The following UBOX5 variants were observed in gnomAD, a reference collection of about 807,000 sequenced individuals.
The protein encoded by UBOX5 is RING finger protein 37.
In UBOX5, 28 loss-of-function variants were observed where a neutral mutation model predicts 39.0. The observed-to-expected ratio is 0.72, with a 90% CI of 0.53 to 0.98. The LOEUF (loss-of-function observed/expected upper bound fraction) is 0.98, where lower values mean the gene tolerates loss of function less well. Among genes scored for constraint, UBOX5 ranks in the 50% least tolerant of loss-of-function variants. The pLI is 0.00. For synonymous variants in UBOX5, 283 were observed against 275.5 expected (o/e 1.03, Z -0.27); for missense variants, 585 against 674.4 (o/e 0.87, Z 1.47).
intron 1 of UBOX5, among the ~76,000 whole-genome samples, chr20:3,140,615 A>G (rs1331895368): frequency 2.6e-5 from 4 of 152,114 alleles, no homozygotes; most frequent in Admixed American, 6.5e-5. Context: ...ACTGAAACCT[A>G]TCGTCAACAT....
At chr20:3,158,948 C>A (rs1460802174) in intron 1 of UBOX5, among the ~76,000 whole-genome samples, 1 of 152,202 alleles carries the variant, frequency 6.6e-6, no homozygotes, top group East Asian at 1.9e-4. Context: ...GAGCACAAAA[C>A]GCCAGCCACA....
At chr20:3,137,088 C>CA (rs1241436559) in intron 1 of UBOX5, among the ~76,000 whole-genome samples, 2 of 152,086 alleles carry the variant, frequency 1.3e-5, no homozygotes, top group Non-Finnish European at 2.9e-5. Context: ...GGTAGGACTA[C>CA]AGGCATGACC....
intron 1 of UBOX5, among the ~76,000 whole-genome samples, chr20:3,141,293 A>T (rs1038143702): frequency 3.9e-5 from 6 of 152,156 alleles, no homozygotes; most frequent in African/African-American, 1.2e-4. Context: ...AAAAAATTTT[A>T]AAAATAAAGA....
chr20:3,148,716 G>A (rs761116377), intron 1 of UBOX5: 6 of 1,614,206 alleles, frequency 3.7e-6, no homozygotes, highest in African/African-American at 1.3e-5. Flanking sequence ...CTTAGCTGTA[G>A]GAAAACTCGC....
chr20:3,148,969 G>A (rs1473879728), intron 1 of UBOX5: 1 of 1,614,202 alleles, frequency 6.2e-7, no homozygotes, highest in South Asian at 1.1e-5. Flanking sequence ...GCTGTGTGCT[G>A]CTCACATTCC....
chr20:3,110,937 C>T (rs940298774), intron 4 of UBOX5, among the ~76,000 whole-genome samples: 94 of 152,316 alleles, frequency 6.2e-4, no homozygotes, highest in African/African-American at 2.2e-3. Context: ...CTGAGGCCTG[C>T]AGTGCACCTG....
chr20:3,156,667 G>A (rs1294122826), intron 1 of UBOX5: 2 of 152,384 alleles, frequency 1.3e-5, no homozygotes, highest in Non-Finnish European at 2.9e-5. Flanking sequence ...TGATTTCACA[G>A]GACTGAAGAA....
chr20:3,141,371 G>C (rs2066516169), intron 1 of UBOX5, among the ~76,000 whole-genome samples: 1 of 152,050 alleles, frequency 6.6e-6, no homozygotes, highest in African/African-American at 2.4e-5. Context: ...TTCCTCATCA[G>C]GTGTGGTGGC....
At chr20:3,144,214 G>A (rs2066541501) in intron 1 of UBOX5, among the ~76,000 whole-genome samples, 1 of 152,128 alleles carries the variant, frequency 6.6e-6, no homozygotes. Flanking sequence ...CAAGGACCAT[G>A]AGTAGCCAAA....
At chr20:3,135,182 C>CA (rs929847468) in intron 1 of UBOX5, among the ~76,000 whole-genome samples, 4 of 151,766 alleles carry the variant, frequency 2.6e-5, no homozygotes, top group African/African-American at 9.7e-5. Context: ...AAGTTTTGAC[C>CA]AAAACATTGG....
At chr20:3,119,298 C>T (rs749927871) in intron 3 of UBOX5, among the ~76,000 whole-genome samples, 1 of 152,318 alleles carries the variant, frequency 6.6e-6, no homozygotes, top group East Asian at 1.9e-4. Flanking sequence ...AATGCATCAA[C>T]GAGCTGAATC....
intron 1 of UBOX5, among the ~76,000 whole-genome samples, chr20:3,152,577 T>C (rs554397921): frequency 2.0e-5 from 3 of 152,206 alleles, no homozygotes; most frequent in South Asian, 4.2e-4. Flanking sequence ...ACTAAAGCCA[T>C]ATACTGTTCA....
Position 3,122,471 on chromosome 20 carries a change from T to C in UBOX5, c.168A>G (p.Ser56=), listed in dbSNP as rs1382700002. ...FIKPPVYVTV[S]FPFNVEICRI... ...TACAGATTTCCACATTAAAGGGAAATGAAACTGTCACATAGACTGGTGGCT... is the reference window on the plus strand; with the variant it reads ...TACAGATTTCCACATTAAAGGGAAACGAAACTGTCACATAGACTGGTGGCT... The change falls in exon 3 of 5, where the codon TCA becomes TCG. Residue 56 remains serine (S), a synonymous_variant. Coordinates refer to ENST00000217173, the MANE Select transcript of UBOX5 (RefSeq NM_014948.4). The C allele has an allele frequency of 1.2e-6, 2 of 1,614,138 alleles. No homozygotes were observed. Among genetic ancestry groups the C allele is most frequent in the Non-Finnish European group, 8.5e-7 (1 of 1,180,010 alleles).
At chr20:3,147,780 C>T in intron 1 of UBOX5, 2 of 1,614,170 alleles carry the variant, frequency 1.2e-6, no homozygotes, top group Non-Finnish European at 1.7e-6. Flanking sequence ...AGAATCTTGG[C>T]AACATCTTTA....
At chr20:3,114,409 A>G (rs1051478925) in intron 4 of UBOX5, among the ~76,000 whole-genome samples, 1 of 152,144 alleles carries the variant, frequency 6.6e-6, no homozygotes, top group Admixed American at 6.6e-5. Context: ...CAGGAGCTCC[A>G]TCTCGTAAAA....
At chr20:3,117,567 C>T (rs1181322836) in intron 3 of UBOX5, among the ~76,000 whole-genome samples, 1 of 151,948 alleles carries the variant, frequency 6.6e-6, no homozygotes, top group Non-Finnish European at 1.5e-5. Context: ...GCCTGTAGTC[C>T]CAGCTACTCA....
At chr20:3,147,923 TGAG>T in intron 1 of UBOX5, 1 of 1,614,230 alleles carries the variant, frequency 6.2e-7, no homozygotes, top group Non-Finnish European at 8.5e-7. Flanking sequence ...AGGAATTCGC[TGAG>T]GAGCTATCTC....
Position 3,123,329 on chromosome 20 carries a change from T to C in UBOX5, c.37A>G (p.Arg13Gly). The C allele has an allele frequency of 6.2e-7, 1 of 1,614,124 alleles. No homozygotes were observed. The highest frequency in any genetic ancestry group is 8.5e-7 in the Non-Finnish European group (1 of 1,180,004). ...TTGTTTACCTTGTTGCAGTGAATTC[T>C]TGGTCTGAACTGTGGGAGGCAAAGA... The part of the protein sequence containing the change: ...INLCLPQFRP[R>G]IHCNKISADG... The change falls in exon 2 of 5, where the codon AGA (arginine) becomes GGA (glycine). Residue 13 changes from arginine (R) to glycine (G), a missense_variant. Transcript: ENST00000217173.
chr20:3,117,010 C>T (rs1210307963), intron 3 of UBOX5, among the ~76,000 whole-genome samples: 2 of 151,770 alleles, frequency 1.3e-5, no homozygotes, highest in African/African-American at 2.4e-5. Flanking sequence ...GCAGGAGATT[C>T]GCTTGAACTC....
Sources: gnomAD v4.1 joint callset for allele counts (sites outside exome capture counted in the v4.1 genomes callset) on GRCh38, gnomAD v4.1.1 for gene constraint, MANE v1.5 for transcripts, NCBI Gene and HGNC (gene_info 2026-07-23, HGNC 2026-07-21) for gene names.